Variants in KLHL1 observed in about 807,000 individuals in gnomAD.
KLHL1 encodes the protein kelch-like protein 1.
In KLHL1, 47 loss-of-function variants were observed where a neutral mutation model predicts 77.7. The observed-to-expected ratio is 0.60, with a 90% CI of 0.48 to 0.77. The LOEUF (loss-of-function observed/expected upper bound fraction) is 0.77. Ranked by LOEUF, KLHL1 falls within the 30% of genes least tolerant of loss-of-function variation. The pLI is 0.00. For synonymous variants in KLHL1, 360 were observed against 325.2 expected, an observed-to-expected ratio of 1.11 and a Z score of -1.15; for missense variants, 925 against 910.8, an observed-to-expected ratio of 1.02 and a Z score of -0.20.
At chr13:69,841,284 T>A (rs1414744494) in intron 5 of KLHL1, among the ~76,000 whole-genome samples, 1 of 151,914 alleles carries the variant, frequency 6.6e-6, no homozygotes, top group Non-Finnish European at 1.5e-5. Context: ...TTTCTCCTGT[T>A]TACTGATTAT....
At chr13:69,753,715 C>A (rs575011392) in intron 7 of KLHL1, among the ~76,000 whole-genome samples, 10 of 152,074 alleles carry the variant, frequency 6.6e-5, no homozygotes, top group Non-Finnish European at 1.3e-4. Flanking sequence ...AGGCAATTGT[C>A]CTACTTGAAG....
chr13:69,762,895 A>G (rs1267535664), intron 7 of KLHL1, among the ~76,000 whole-genome samples: 1 of 151,876 alleles, frequency 6.6e-6, no homozygotes, highest in African/African-American at 2.4e-5. Context: ...TTGATGGGAA[A>G]TGAAGGGCCA....
chr13:69,995,168 A>G (rs1448394777), intron 1 of KLHL1, among the ~76,000 whole-genome samples: 1 of 152,128 alleles, frequency 6.6e-6, no homozygotes, highest in African/African-American at 2.4e-5. Context: ...TCAAGTAATT[A>G]TGACAGAGAC....
chr13:69,824,675 T>C (rs998816062), intron 6 of KLHL1, among the ~76,000 whole-genome samples: 1 of 152,140 alleles, frequency 6.6e-6, no homozygotes, highest in Non-Finnish European at 1.5e-5. Context: ...TTTCCATTTA[T>C]GTGAAGTCTA....
chr13:69,820,492 A>G (rs936734012), intron 6 of KLHL1, among the ~76,000 whole-genome samples: 3 of 152,222 alleles, frequency 2.0e-5, no homozygotes, highest in Admixed American at 2.0e-4. Flanking sequence ...TAAGCTTGCT[A>G]TCATTTTACA....
chr13:69,885,096 A>T (rs112383324), intron 4 of KLHL1, among the ~76,000 whole-genome samples: 2 of 132,618 alleles, frequency 1.5e-5, no homozygotes, highest in Admixed American at 1.5e-4. Flanking sequence ...GCCCGCCACC[A>T]CGCCCGGCTA....
chr13:69,823,534 A>C (rs1174342462), intron 6 of KLHL1, among the ~76,000 whole-genome samples: 1 of 152,068 alleles, frequency 6.6e-6, no homozygotes, highest in East Asian at 1.9e-4. Context: ...ATGTATATAC[A>C]CACACATATA....
intron 4 of KLHL1, among the ~76,000 whole-genome samples, chr13:69,916,339 C>T (rs1342313439): frequency 6.6e-6 from 1 of 151,974 alleles, no homozygotes; most frequent in Non-Finnish European, 1.5e-5. Flanking sequence ...TGGAACCAAC[C>T]CAAATGTCCA....
At chr13:69,841,646 G>A (rs1023834660) in intron 5 of KLHL1, among the ~76,000 whole-genome samples, 1 of 151,658 alleles carries the variant, frequency 6.6e-6, no homozygotes, top group African/African-American at 2.4e-5. Flanking sequence ...TCATTCTATA[G>A]GCTAAACACA....
At chr13:70,084,464 C>CTTTT (rs1266369112) in intron 1 of KLHL1, among the ~76,000 whole-genome samples, 1 of 129,042 alleles carries the variant, frequency 7.7e-6, no homozygotes, top group Admixed American at 8.6e-5. Context: ...TCTTCTTCTT[C>CTTTT]TTTTTTTTTT....
chr13:69,913,709 C>T (rs1882320313), intron 4 of KLHL1, among the ~76,000 whole-genome samples: 1 of 152,164 alleles, frequency 6.6e-6, no homozygotes, highest in Non-Finnish European at 1.5e-5. Context: ...AATTCAATTA[C>T]AAAACTGCAA....
chr13:69,916,091 C>G (rs1184368638), intron 4 of KLHL1, among the ~76,000 whole-genome samples: 3 of 152,130 alleles, frequency 2.0e-5, no homozygotes, highest in Non-Finnish European at 4.4e-5. Flanking sequence ...CAGGAAACAA[C>G]AGGTGCTGGA....
At chr13:70,075,735 GTA>G (rs1248924828) in intron 1 of KLHL1, among the ~76,000 whole-genome samples, 3 of 125,144 alleles carry the variant, frequency 2.4e-5, no homozygotes, top group Admixed American at 9.4e-5. Flanking sequence ...ACACATAGGT[GTA>G]TATATATACA....
chr13:70,027,181 T>C (rs1277786560), intron 1 of KLHL1, among the ~76,000 whole-genome samples: 1 of 152,166 alleles, frequency 6.6e-6, no homozygotes, highest in Non-Finnish European at 1.5e-5. Context: ...TATTTGTGGC[T>C]GTTTTTAAAA....
intron 7 of KLHL1, among the ~76,000 whole-genome samples, chr13:69,782,691 G>A (rs888728237): frequency 2.6e-5 from 4 of 152,206 alleles, no homozygotes; most frequent in African/African-American, 9.6e-5. Context: ...GCCCACCACA[G>A]CTCAAGGAGG....
At chr13:69,819,448 A>T (rs1246923843) in intron 6 of KLHL1, among the ~76,000 whole-genome samples, 1 of 152,170 alleles carries the variant, frequency 6.6e-6, no homozygotes, top group Admixed American at 6.6e-5. Context: ...TCACTTGCTT[A>T]TATTTTTCTT....
intron 1 of KLHL1, 141 bp from the exon 2 acceptor site, chr13:69,975,943 A>T: frequency 9.0e-7 from 1 of 1,111,282 alleles, no homozygotes; most frequent in Non-Finnish European, 1.2e-6. Flanking sequence ...ATTTTAATAC[A>T]ACTTCAATAA....
chr13:69,944,978 CTTTTTTTTTT>C (rs750774784), intron 3 of KLHL1, among the ~76,000 whole-genome samples: 7 of 79,860 alleles, frequency 8.8e-5, no homozygotes, highest in Admixed American at 1.7e-4. Flanking sequence ...TATAAAACTT[CTTTTTTTTTT>C]TTTTTTTTTT....
At chr13:69,853,781 T>C (rs2138135955) in intron 5 of KLHL1, among the ~76,000 whole-genome samples, 1 of 152,174 alleles carries the variant, frequency 6.6e-6, no homozygotes, top group East Asian at 1.9e-4. Flanking sequence ...GGATAAGGTA[T>C]GTTGTTTTTG....
Sources: allele counts gnomAD v4.1 joint callset (sites outside exome capture counted in the v4.1 genomes callset), GRCh38; gene constraint gnomAD v4.1.1; transcripts MANE v1.5; gene names NCBI Gene and HGNC (gene_info 2026-07-23, HGNC 2026-07-21).